Variants in INHBC observed in about 807,000 individuals in gnomAD.
INHBC encodes the protein inhibin beta C chain.
Under a neutral mutation model 12.4 loss-of-function variants are expected in INHBC, and 10 were observed. That is an observed-to-expected ratio of 0.81 (90% CI 0.50 to 1.37). The LOEUF (loss-of-function observed/expected upper bound fraction) is 1.37, where lower values mean the gene tolerates loss of function less well. INHBC is among the 40% of genes most tolerant of loss of function. The pLI, the probability that INHBC is intolerant of heterozygous loss-of-function variation, is 0.00. For synonymous variants in INHBC, 147 were observed against 171.6 expected (o/e 0.86, Z 1.12); for missense variants, 382 against 439.4 (o/e 0.87, Z 1.17).
chr12:57,448,073 A>G (rs1052133881), intron 1 of INHBC, among the ~76,000 whole-genome samples: 1 of 150,954 alleles, frequency 6.6e-6, no homozygotes, highest in Non-Finnish European at 1.5e-5. Context: ...CAGTCTCCCA[A>G]GTAGCTGGGA....
Position 57,449,967 on chromosome 12 carries a change from A to G in INHBC, c.1004A>G (p.Asn335Ser). ...CTGCTCTATTATGACAGGGACAGCA[A>G]CATTGTCAAGACTGACATACCTGAC... Reference protein sequence around the residue: ...LSLLYYDRDSNIVKTDIPDMV... With the variant: ...LSLLYYDRDSSIVKTDIPDMV... The change falls in exon 2 of 2, where the codon AAC (asparagine) becomes AGC (serine). Residue 335 changes from asparagine to serine, a missense_variant. By Grantham distance (46) the Asn-to-Ser change is conservative. Transcript: ENST00000309668. 6.5e-7 allele frequency: 1 copy of G among 1,548,354 alleles called. No homozygotes were observed. Among genetic ancestry groups the G allele is most frequent in the Non-Finnish European group, 8.7e-7 (1 of 1,145,552 alleles).
intron 1 of INHBC, among the ~76,000 whole-genome samples, chr12:57,444,081 G>T (rs1442809859): frequency 1.3e-5 from 2 of 152,168 alleles, no homozygotes; most frequent in African/African-American, 4.8e-5. Flanking sequence ...ACAGGTGTGA[G>T]CCACCACACC....
rs570948612 is a variant in INHBC, at chr12:57,451,141, AC to A, written c.*1123del. 7.6e-4 allele frequency among the ~76,000 whole-genome samples: 115 copies of A among 152,098 alleles called. No homozygotes were observed. The highest frequency in any genetic ancestry group is 2.7e-3 in the African/African-American group (113 of 41,496). On this transcript the variant is annotated 3_prime_UTR_variant, in exon 2 of 2. Coordinates refer to ENST00000309668, the MANE Select transcript of INHBC (RefSeq NM_005538.4). ...ACTTTATGCCTCTTCTTTCTTAGGCACCCCGTCCCTCCATCCTTCCAGAACC... is the reference window on the plus strand; with the variant it reads ...ACTTTATGCCTCTTCTTTCTTAGGCACCCGTCCCTCCATCCTTCCAGAACC...
rs545046247 is a variant in INHBC at position 57,446,844 on chromosome 12, G to A, written c.314-2433G>A. Reference sequence around the variant, plus strand: ...GTTGGGCCGACAAAGAGGAGCTGTCGATAGAGGAGAAAAAGATAGAGTGGC... The same window carrying A: ...GTTGGGCCGACAAAGAGGAGCTGTCAATAGAGGAGAAAAAGATAGAGTGGC... On this transcript the variant is annotated intron_variant, in intron 1 of 1. Transcript: ENST00000309668. Among the ~76,000 whole-genome samples, 6 of 152,104 alleles carry A rather than the reference G, an allele frequency of 3.9e-5. No individual in the cohort carries two copies. In the South Asian group the frequency reaches 1.0e-3, roughly 26 times the overall value.
chr12:57,435,298 A>G lies in INHBC; in HGVS notation c.313+99A>G, dbSNP rs1003882168. ...ACCTCTGACTCCTTCCCCAAAAACC[A>G]TCCAACCCCTGCTTCCCACAGGCTA... On this transcript the variant is annotated intron_variant, in intron 1 of 1. Transcript: ENST00000309668. The G allele has an allele frequency of 6.3e-5, 72 of 1,134,220 alleles. No homozygotes were observed. The East Asian group carries it at 1.4e-3, about 22-fold the overall frequency. The allele number at this position is 1,134,220 out of a possible 1,614,324, so 70.3% of individuals were successfully genotyped here. A position where few individuals can be genotyped will look rare whatever the true frequency, so the allele number is the denominator to read the frequency against.
chr12:57,449,167 G>A, intron 1 of INHBC, 110 bp from the exon 2 acceptor site: 1 of 1,353,188 alleles, frequency 7.4e-7, no homozygotes, highest in Non-Finnish European at 1.0e-6. Flanking sequence ...TGTTTAAACT[G>A]TAGCAAATGC....
At chr12:57,447,892 A>AAATATATATAT (rs1555325179) in intron 1 of INHBC, among the ~76,000 whole-genome samples, 4 of 19,872 alleles carry the variant, frequency 2.0e-4, no homozygotes, top group Admixed American at 8.0e-4. Flanking sequence ...AAAAAAAAAA[A>AAATATATATAT]ATATATATAT....
Position 57,451,894 on chromosome 12 carries a change from A to G in INHBC, c.*1872A>G. ...TAGTCTCCAGGGCTAGGACTGGGGT[A>G]AAGCAAAGTGAGTCATTCACCTGGG... On this transcript the variant is annotated 3_prime_UTR_variant, in exon 2 of 2. Coordinates refer to ENST00000309668, the MANE Select transcript of INHBC (RefSeq NM_005538.4). 1 of 454,578 alleles carries G rather than the reference A, an allele frequency of 2.2e-6. No homozygotes were observed. Among genetic ancestry groups the G allele is most frequent in the Non-Finnish European group, 4.4e-6 (1 of 226,354 alleles). The allele number at this position is 454,578 out of a possible 1,614,324, so 28.2% of individuals were successfully genotyped here.
At chr12:57,438,572 T>C (rs549620081) in intron 1 of INHBC, among the ~76,000 whole-genome samples, 1 of 152,352 alleles carries the variant, frequency 6.6e-6, no homozygotes, top group South Asian at 2.1e-4. Flanking sequence ...TTTCAATGTG[T>C]AAATTATTCT....
At chr12:57,441,278 C>T (rs189472542) in intron 1 of INHBC, among the ~76,000 whole-genome samples, 2 of 149,146 alleles carry the variant, frequency 1.3e-5, no homozygotes, top group African/African-American at 5.0e-5. Context: ...TGCTTGAACC[C>T]AGGGGGTGGA....
In INHBC at chr12:57,441,501, G is replaced by T. The variant is rs560023307; in HGVS notation, c.313+6302G>T. Among the ~76,000 whole-genome samples the T allele has an allele frequency of 1.7e-4, 25 of 149,978 alleles. No homozygotes were observed. In the East Asian group the frequency reaches 4.3e-3, roughly 26 times the overall value. Reference sequence around the variant, plus strand: ...GATCACGTCATTGCACTTCAGCCTGGGCAATAAGATCAAAACTCCGTCTCA... The same window carrying T: ...GATCACGTCATTGCACTTCAGCCTGTGCAATAAGATCAAAACTCCGTCTCA... On this transcript the variant is annotated intron_variant, in intron 1 of 1. Coordinates refer to ENST00000309668, the MANE Select transcript of INHBC (RefSeq NM_005538.4).
At chr12:57,438,379 C>T (rs1050352647) in intron 1 of INHBC, among the ~76,000 whole-genome samples, 1 of 152,148 alleles carries the variant, frequency 6.6e-6, no homozygotes, top group South Asian at 2.1e-4. Flanking sequence ...TTAATGAGGG[C>T]TCCACCCTCA....
intron 1 of INHBC, among the ~76,000 whole-genome samples, chr12:57,448,596 T>C (rs1870639505): frequency 6.7e-6 from 1 of 150,254 alleles, no homozygotes; most frequent in African/African-American, 2.4e-5. Context: ...AAAAATTATG[T>C]TGCTTGACCA....
chr12:57,438,289 G>A (rs145837154), intron 1 of INHBC, among the ~76,000 whole-genome samples: 2,498 of 152,316 alleles, frequency 0.016, 20 homozygotes, highest in Non-Finnish European at 0.022. Flanking sequence ...GCAGGAACTA[G>A]AGAGTAGACT....
chr12:57,442,233 C>A (rs1323269032), intron 1 of INHBC, among the ~76,000 whole-genome samples: 1 of 152,204 alleles, frequency 6.6e-6, no homozygotes, highest in East Asian at 1.9e-4. Context: ...TCAATAAACA[C>A]CATGCTTGCT....
rs1211635647 is a variant in INHBC, at chr12:57,449,897, G to A, written c.934G>A (p.Gly312Arg). 3 of 1,610,762 alleles carry A rather than the reference G, an allele frequency of 1.9e-6. No individual in the cohort carries two copies. The highest frequency in any genetic ancestry group is 2.7e-5 in the African/African-American group (2 of 74,900). Residue 312 changes from glycine to arginine, a missense_variant, in exon 2 of 2, where the codon GGA becomes AGA. Physicochemically the swap from Gly to Arg is moderately radical, Grantham distance 125. Coordinates refer to ENST00000309668, the MANE Select transcript of INHBC (RefSeq NM_005538.4). ...GGCCAACACAGCTGCAGGCACCACT[G>A]GAGGGGGCTCATGCTGTGTACCCAC... ...LKANTAAGTT[G>R]GGSCCVPTAR...
intron 1 of INHBC, among the ~76,000 whole-genome samples, chr12:57,442,530 G>A (rs1411871403): frequency 3.3e-5 from 5 of 152,228 alleles, no homozygotes; most frequent in African/African-American, 1.2e-4. Context: ...CTTAGGAGGA[G>A]CTGAGCAAAA....
chr12:57,443,409 C>CGAGT (rs1566550468), intron 1 of INHBC, among the ~76,000 whole-genome samples: 2 of 151,300 alleles, frequency 1.3e-5, no homozygotes, highest in African/African-American at 2.4e-5. Flanking sequence ...CTCAGCCTCC[C>CGAGT]GAGTAGCTGG....
At position 57,451,382 on chromosome 12, in the gene INHBC, G is replaced by A. The variant is rs779574262; in HGVS notation, c.*1360G>A. ...CCCCAGTGCTCCACCCAGGAGTCCT[G>A]CCTGGAAGCTGGAATGGGCAAGGGC... is the stretch of plus-strand genomic sequence containing the variant. On this transcript the variant is annotated 3_prime_UTR_variant, in exon 2 of 2. Coordinates refer to ENST00000309668, the MANE Select transcript of INHBC (RefSeq NM_005538.4). Among the ~76,000 whole-genome samples, 16 of 152,174 alleles carry A rather than the reference G, an allele frequency of 1.1e-4. No individual in the cohort carries two copies. The highest frequency in any genetic ancestry group is 2.1e-4 in the Non-Finnish European group (14 of 68,040).
Sources: gnomAD v4.1 joint callset for allele counts (sites outside exome capture counted in the v4.1 genomes callset) on GRCh38, gnomAD v4.1.1 for gene constraint, MANE v1.5 for transcripts, NCBI Gene and HGNC (gene_info 2026-07-23, HGNC 2026-07-21) for gene names.